The following IFFO2 variants were observed in gnomAD, a reference collection of about 807,000 sequenced individuals.
The protein encoded by IFFO2 is intermediate filament family orphan 2.
Under a neutral mutation model 53.5 loss-of-function variants are expected in IFFO2, and 19 were observed. That is an observed-to-expected ratio of 0.36 (90% CI 0.25 to 0.52). The LOEUF (loss-of-function observed/expected upper bound fraction) is 0.52. Ranked by LOEUF, IFFO2 falls within the 20% of genes least tolerant of loss-of-function variation. The pLI, the probability that IFFO2 is intolerant of heterozygous loss-of-function variation, is 0.94. For synonymous variants in IFFO2, 303 were observed against 313.6 expected (o/e 0.97, Z 0.36); for missense variants, 570 against 727.4 (o/e 0.78, Z 2.49).
chr1:18,933,715 G>A (rs959439707), intron 1 of IFFO2, among the ~76,000 whole-genome samples: 5 of 152,092 alleles, frequency 3.3e-5, no homozygotes, highest in South Asian at 4.1e-4. Context: ...CCAAGATCGC[G>A]CCACTGCACT....
chr1:18,919,668 C>A lies in IFFO2; in HGVS notation c.822+10G>T, dbSNP rs1209267818. 6.5e-7 allele frequency: 1 copy of A among 1,544,872 alleles called. No individual in the cohort carries two copies. The highest frequency in any genetic ancestry group is 1.2e-5 in the South Asian group (1 of 83,916). Reference sequence around the variant, plus strand: ...GGTCATGACACCCAGGGGCGGCGGGCGGCACTTACGTCACTCATAAGCCCC... The same window carrying A: ...GGTCATGACACCCAGGGGCGGCGGGAGGCACTTACGTCACTCATAAGCCCC... On this transcript the variant is annotated intron_variant, in intron 3 of 8. Coordinates refer to ENST00000455833, the MANE Select transcript of IFFO2 (RefSeq NM_001136265.2). The surrounding 1 kb of genome is among the most constrained non-coding windows in gnomAD (Gnocchi z 4.9).
At chr1:18,923,408 C>G (rs1358235800) in intron 1 of IFFO2, among the ~76,000 whole-genome samples, 1 of 152,176 alleles carries the variant, frequency 6.6e-6, no homozygotes, top group Non-Finnish European at 1.5e-5. Context: ...AGACTTGCCC[C>G]AAATCCACCC....
At chr1:18,934,514 A>G (rs1287658873) in intron 1 of IFFO2, among the ~76,000 whole-genome samples, 1 of 152,204 alleles carries the variant, frequency 6.6e-6, no homozygotes, top group Non-Finnish European at 1.5e-5. Flanking sequence ...TAAATTTTTA[A>G]AAGACAAAAA....
chr1:18,944,717 C>A (rs1304091842), intron 1 of IFFO2, among the ~76,000 whole-genome samples: 1 of 152,194 alleles, frequency 6.6e-6, no homozygotes, highest in East Asian at 1.9e-4. Context: ...TACATGCACA[C>A]TCATGGGCTC....
In IFFO2 at chr1:18,947,167, G is replaced by A. The variant is rs1021675107; in HGVS notation, c.665+8501C>T. On this transcript the variant is annotated intron_variant, in intron 1 of 8. Transcript: ENST00000455833. This position sits in a 1 kb window ranked among gnomAD's most constrained non-coding sequence, Gnocchi z 5.0. ...TCTTCCCCAACAAGAGGCACCAAAC[G>A]ATTGTAACAACTTCCCTGTTCCCTG... Among the ~76,000 whole-genome samples the A allele has an allele frequency of 2.0e-5, 3 of 152,190 alleles. No homozygotes were observed. Among genetic ancestry groups the A allele is most frequent in the Non-Finnish European group, 4.4e-5 (3 of 68,028 alleles).
chr1:18,921,926 A>C (rs974971104), intron 1 of IFFO2, among the ~76,000 whole-genome samples: 189 of 152,252 alleles, frequency 1.2e-3, no homozygotes, highest in African/African-American at 4.4e-3. Flanking sequence ...GGGTGGGAGC[A>C]GTTCCCTGGG....
chr1:18,938,525 A>C (rs1936478434), intron 1 of IFFO2, among the ~76,000 whole-genome samples: 2 of 152,166 alleles, frequency 1.3e-5, no homozygotes, highest in African/African-American at 2.4e-5. Flanking sequence ...CTCAACCGCT[A>C]CTGACTGGAT....
Position 18,919,541 on chromosome 1 carries a change from C to T in IFFO2, c.822+137G>A, listed in dbSNP as rs184950763. On this transcript the variant is annotated intron_variant, in intron 3 of 8. Coordinates refer to ENST00000455833, the MANE Select transcript of IFFO2 (RefSeq NM_001136265.2). The surrounding 1 kb of genome is among the most constrained non-coding windows in gnomAD (Gnocchi z 4.9). ...TGGTCTCCGATGCATCCAATGCATCCGTCATCCTCATGGTCAAACACAGCC... is the reference window on the plus strand; with the variant it reads ...TGGTCTCCGATGCATCCAATGCATCTGTCATCCTCATGGTCAAACACAGCC... 118 of 664,342 alleles carry T rather than the reference C, an allele frequency of 1.8e-4. 1 individual carries two copies. In the Admixed American group the frequency reaches 2.4e-3, roughly 13 times the overall value. 41.2% of individuals were successfully genotyped at this position (664,342 alleles called of 1,614,324 possible). A position where few individuals can be genotyped will look rare whatever the true frequency, so the allele number is the denominator to read the frequency against.
At chr1:18,925,027 G>A (rs574005850) in intron 1 of IFFO2, among the ~76,000 whole-genome samples, 49 of 151,950 alleles carry the variant, frequency 3.2e-4, no homozygotes, top group Non-Finnish European at 5.9e-4. Context: ...ACTGAGAGCC[G>A]CCCCTGCCCA....
chr1:18,913,933 G>C (rs1035157454), intron 5 of IFFO2, among the ~76,000 whole-genome samples: 1 of 150,176 alleles, frequency 6.7e-6, no homozygotes, highest in Non-Finnish European at 1.5e-5. Flanking sequence ...TGGGGTTCAC[G>C]CCATTCTCCT....
At chr1:18,926,875 G>C (rs1936304937) in intron 1 of IFFO2, among the ~76,000 whole-genome samples, 1 of 152,174 alleles carries the variant, frequency 6.6e-6, no homozygotes, top group Non-Finnish European at 1.5e-5. Context: ...AGAAAAAGAG[G>C]CTCGAGGCTC....
Position 18,919,865 on chromosome 1 carries a change from G to T in IFFO2, c.727-92C>A, listed in dbSNP as rs1366030638. The T allele has an allele frequency of 1.2e-6, 1 of 834,170 alleles. No individual in the cohort carries two copies. The highest frequency in any genetic ancestry group is 1.9e-6 in the Non-Finnish European group (1 of 521,876). 51.7% of individuals were successfully genotyped at this position (834,170 alleles called of 1,614,324 possible). ...CCTGAGTCCAGAGCCCTAGGCACCC[G>T]ATGTCCACCCCAGCTGGGCACCTGC... On this transcript the variant is annotated intron_variant, in intron 2 of 8. Coordinates refer to ENST00000455833, the MANE Select transcript of IFFO2 (RefSeq NM_001136265.2). The surrounding 1 kb of genome is among the most constrained non-coding windows in gnomAD (Gnocchi z 4.9).
intron 7 of IFFO2, 81 bp downstream of exon 7, chr1:18,911,303 A>C (rs1340802564): frequency 1.5e-6 from 1 of 680,592 alleles, no homozygotes; most frequent in East Asian, 3.4e-5. Context: ...CCCATGACAC[A>C]TGGGTGTTTG....
intron 2 of IFFO2, 115 bp downstream of exon 2, chr1:18,920,946 T>C: frequency 2.4e-6 from 2 of 836,336 alleles, no homozygotes. Flanking sequence ...TGGTAGGAGG[T>C]AACAGAGTAG....
Position 18,919,049 on chromosome 1 carries a change from C to A in IFFO2, c.823-547G>T, listed in dbSNP as rs911507976. Among the ~76,000 whole-genome samples the A allele has an allele frequency of 2.0e-5, 3 of 152,136 alleles. No homozygotes were observed. Among genetic ancestry groups the A allele is most frequent in the African/African-American group, 7.2e-5 (3 of 41,424 alleles). The stretch of plus-strand genomic sequence containing the variant: ...CGTCCCTCCACACCAGGAGCCATGC[C>A]AGGCTCAGTCACCCACGTTCTGGCC... On this transcript the variant is annotated intron_variant, in intron 3 of 8. Transcript: ENST00000455833. This position sits in a 1 kb window ranked among gnomAD's most constrained non-coding sequence, Gnocchi z 4.9.
In IFFO2 at chr1:18,911,374, G is replaced by C. The variant is rs201436231; in HGVS notation, c.1317+10C>G. 1 of 1,467,862 alleles carries C rather than the reference G, an allele frequency of 6.8e-7. No homozygotes were observed. Among genetic ancestry groups the C allele is most frequent in the Non-Finnish European group, 9.1e-7 (1 of 1,096,602 alleles). The allele number at this position is 1,467,862 out of a possible 1,614,324, so 90.9% of individuals were successfully genotyped here. ...GCCTCACGAGTGGGCTCCACGTCCC[G>C]AGCCCTCACCTCGATCTGACCTATC... On this transcript the variant is annotated intron_variant, in intron 7 of 8. Coordinates refer to ENST00000455833, the MANE Select transcript of IFFO2 (RefSeq NM_001136265.2).
chr1:18,929,489 C>T (rs1936344211), intron 1 of IFFO2, among the ~76,000 whole-genome samples: 1 of 152,200 alleles, frequency 6.6e-6, no homozygotes, highest in Non-Finnish European at 1.5e-5. Context: ...GTTTTCCCAG[C>T]AAGGAGGTGA....
Position 18,955,915 on chromosome 1 carries a change from G to A in IFFO2, c.418C>T (p.Leu140=), listed in dbSNP as rs1332131948. 1 of 1,321,372 alleles carries A rather than the reference G, an allele frequency of 7.6e-7. No individual in the cohort carries two copies. Among genetic ancestry groups the A allele is most frequent in the Non-Finnish European group, 9.6e-7 (1 of 1,044,488 alleles). The allele number at this position is 1,321,372 out of a possible 1,614,324, so 81.9% of individuals were successfully genotyped here. A position where few individuals can be genotyped will look rare whatever the true frequency, so the allele number is the denominator to read the frequency against. The stretch of plus-strand genomic sequence containing the variant: ...CCGCCGCCGGGGGGCAGGCCGCCCA[G>A]GGCCACGGCATTGGCGTTGGCGCCG... ...AAGANANAVA[L]GGLPPGGGSH... The change falls in exon 1 of 9, where the codon CTG becomes TTG. Residue 140 remains leucine, a synonymous_variant. Coordinates refer to ENST00000455833, the MANE Select transcript of IFFO2 (RefSeq NM_001136265.2).
chr1:18,949,504 G>A (rs1361382235), intron 1 of IFFO2, among the ~76,000 whole-genome samples: 1 of 152,248 alleles, frequency 6.6e-6, no homozygotes, highest in Non-Finnish European at 1.5e-5. Flanking sequence ...TCAGCCATCC[G>A]CGACATAGGA....
Sources: gnomAD v4.1 joint callset for allele counts (sites outside exome capture counted in the v4.1 genomes callset) on GRCh38, gnomAD v4.1.1 for gene constraint, Gnocchi (gnomAD v3.1) non-coding constraint, MANE v1.5 for transcripts, NCBI Gene and HGNC (gene_info 2026-07-23, HGNC 2026-07-21) for gene names.